KDM2B: variants seen among roughly 807,000 people sequenced by gnomAD.
The protein encoded by KDM2B is lysine demethylase 2B, also known as lysine-specific demethylase 2B.
KDM2B carries 26 observed loss-of-function variants against 150.0 expected under a neutral mutation model. The ratio of observed to expected loss-of-function variants is 0.17; its 90% CI spans 0.13 to 0.24. KDM2B has a LOEUF of 0.24. KDM2B is among the 10% of genes least tolerant of loss of function. KDM2B has a pLI of 1.00. For synonymous variants in KDM2B, 734 were observed against 729.5 expected (o/e 1.01, Z -0.10); for missense variants, 1,265 against 1,816.9 (o/e 0.70, Z 5.52).
chr12:121,574,345 C>T (rs1891341305), intron 4 of KDM2B: 5 of 524,340 alleles, frequency 9.5e-6, no homozygotes, highest in Admixed American at 3.4e-5. Context: ...TACCGGCAAA[C>T]GCCCTCTGAT....
chr12:121,462,650 G>A (rs547182655), intron 12 of KDM2B, among the ~76,000 whole-genome samples: 1 of 152,160 alleles, frequency 6.6e-6, no homozygotes, highest in East Asian at 1.9e-4. Flanking sequence ...TCTGCCCCAT[G>A]CCCAGCTAAT....
rs973073999 is a variant in KDM2B, at chr12:121,430,893, A to G, written c.3830-424T>C. On this transcript the variant is annotated intron_variant, in intron 22 of 22. Transcript: ENST00000377071. The surrounding 1 kb of genome is among the most constrained non-coding windows in gnomAD (Gnocchi z 4.4). The stretch of plus-strand genomic sequence containing the variant: ...GTGCATTTATTTGCCTCCTCCCTTC[A>G]GATAAATTCCCAGAGGGGCATTGCT... Among the ~76,000 whole-genome samples, 1 of 152,188 alleles carries G rather than the reference A, an allele frequency of 6.6e-6. No homozygotes were observed. Among genetic ancestry groups the G allele is most frequent in the African/African-American group, 2.4e-5 (1 of 41,440 alleles).
At chr12:121,473,980 A>G (rs58927387) in intron 12 of KDM2B, among the ~76,000 whole-genome samples, 4,453 of 152,282 alleles carry the variant, frequency 0.029, 198 homozygotes, top group African/African-American at 0.089. Context: ...AACCAGACAC[A>G]AAAGTCCACA....
At chr12:121,511,887 G>A (rs538957293) in intron 10 of KDM2B, among the ~76,000 whole-genome samples, 1 of 152,294 alleles carries the variant, frequency 6.6e-6, no homozygotes, top group East Asian at 1.9e-4. Context: ...CCCTCACGTT[G>A]CCCCTTCTCA....
At chr12:121,459,003 T>C (rs1224721032) in intron 12 of KDM2B, among the ~76,000 whole-genome samples, 1 of 151,366 alleles carries the variant, frequency 6.6e-6, no homozygotes, top group Non-Finnish European at 1.5e-5. Flanking sequence ...GGAGATTCAC[T>C]TGAACCCGGG....
intron 4 of KDM2B, among the ~76,000 whole-genome samples, chr12:121,555,662 C>T (rs1555312565): frequency 6.6e-6 from 1 of 152,174 alleles, no homozygotes; most frequent in African/African-American, 2.4e-5. Flanking sequence ...GCGTGAGCCA[C>T]CACACCTGGC....
At chr12:121,530,032 T>G (rs773110532) in intron 8 of KDM2B, among the ~76,000 whole-genome samples, 1 of 150,566 alleles carries the variant, frequency 6.6e-6, no homozygotes, top group Non-Finnish European at 1.5e-5. Context: ...ATCAAGACCA[T>G]CCTGGCTAAC....
At chr12:121,510,563 C>A (rs545531680) in intron 10 of KDM2B, among the ~76,000 whole-genome samples, 1 of 152,074 alleles carries the variant, frequency 6.6e-6, no homozygotes, top group Non-Finnish European at 1.5e-5. Context: ...GGGGCCTAGG[C>A]GAGTGGATTG....
Position 121,510,039 on chromosome 12 carries a change from T to C in KDM2B, c.1175A>G (p.Asp392Gly). The change falls in exon 11 of 23, where the codon GAT becomes GGT. Residue 392 changes from aspartate (D) to glycine (G), a missense_variant and splice_region_variant. This residue lies in a region of KDM2B where 154 missense variants were observed against 162.5 expected (regional missense o/e 0.95). Transcript: ENST00000377071. ...QEYQRESMLI[D>G]APRKPSIDGF... ...GTCTATGCTGGGCTTCCTCGGGGCA[T>C]CTGTGGGGGCAGGGTCACAAGAAAG... 6.5e-7 allele frequency: 1 copy of C among 1,542,180 alleles called. No individual in the cohort carries two copies. The highest frequency in any genetic ancestry group is 8.7e-7 in the Non-Finnish European group (1 of 1,146,904).
chr12:121,550,856 G>A (rs919019528), intron 4 of KDM2B, among the ~76,000 whole-genome samples: 1 of 152,028 alleles, frequency 6.6e-6, no homozygotes, highest in Admixed American at 6.6e-5. Context: ...TGTTAACGGA[G>A]GGGGAAAAAT....
At chr12:121,506,830 G>A (rs556181381) in intron 11 of KDM2B, among the ~76,000 whole-genome samples, 44 of 152,282 alleles carry the variant, frequency 2.9e-4, no homozygotes, top group African/African-American at 1.1e-3. Context: ...CAGCTACTAG[G>A]GAGGCTGAGG....
chr12:121,516,913 T>C (rs1200492806), intron 9 of KDM2B: 1 of 616,452 alleles, frequency 1.6e-6, no homozygotes, highest in African/African-American at 2.2e-5. Context: ...AGTCCAATGG[T>C]AGGGGGAAGG....
In KDM2B at chr12:121,537,047, C is replaced by CG. The variant is rs1479971595; in HGVS notation, c.684-2458dup. Among the ~76,000 whole-genome samples the CG allele has an allele frequency of 6.6e-6, 1 of 152,170 alleles. No homozygotes were observed. Among genetic ancestry groups the CG allele is most frequent in the African/African-American group, 2.4e-5 (1 of 41,448 alleles). ...CACCCTCCAGCATCCAGAGGCCCCT[C>CG]GGGGGGCTGGGGCCGCCTCTTCCAG... On this transcript the variant is annotated intron_variant, in intron 6 of 22. Transcript: ENST00000377071. The surrounding 1 kb of genome is among the most constrained non-coding windows in gnomAD (Gnocchi z 8.7).
intron 12 of KDM2B, among the ~76,000 whole-genome samples, chr12:121,487,554 C>G (rs544131564): frequency 2.6e-5 from 4 of 152,348 alleles, no homozygotes; most frequent in Admixed American, 2.0e-4. Flanking sequence ...TGCGCTCTTC[C>G]TCTTGGGGAG....
At chr12:121,516,955 A>G (rs1886263535) in intron 9 of KDM2B, 1 of 636,656 alleles carries the variant, frequency 1.6e-6, no homozygotes, top group East Asian at 2.7e-5. Context: ...TGCAATTTCC[A>G]AATAGATTCA....
intron 4 of KDM2B, among the ~76,000 whole-genome samples, chr12:121,569,644 T>C (rs1890948756): frequency 6.6e-6 from 1 of 152,164 alleles, no homozygotes; most frequent in Admixed American, 6.6e-5. Flanking sequence ...TGGAAGCCTG[T>C]GTGCAGCTCA....
the KDM2B span, chr12:121,417,359 A>G: frequency 3.2e-5 from 22 of 680,652 alleles, no homozygotes; most frequent in Non-Finnish European, 5.3e-5. This position sits in a 1 kb window ranked among gnomAD's most constrained non-coding sequence, Gnocchi z 5.0. Flanking sequence ...GGCTTTTGAA[A>G]CATGAAAATA....
chr12:121,490,501 A>G (rs1251034812), intron 12 of KDM2B, among the ~76,000 whole-genome samples: 2 of 152,168 alleles, frequency 1.3e-5, no homozygotes, highest in African/African-American at 4.8e-5. Context: ...TTCCTCTGGG[A>G]ATAAACCAGC....
At chr12:121,421,384 A>C in the KDM2B span, among the ~76,000 whole-genome samples, 35 of 148,714 alleles carry the variant, frequency 2.4e-4, no homozygotes, top group African/African-American at 7.3e-4. Flanking sequence ...AAAAAAAAAA[A>C]AAAAAAAAAA....
Sources: gnomAD v4.1 joint callset for allele counts (sites outside exome capture counted in the v4.1 genomes callset) on GRCh38, gnomAD v4.1.1 for gene constraint, gnomAD v4.1.1 regional missense constraint, Gnocchi (gnomAD v3.1) non-coding constraint, MANE v1.5 for transcripts, NCBI Gene and HGNC (gene_info 2026-07-23, HGNC 2026-07-21) for gene names.